Variants in OXNAD1 observed in about 807,000 individuals in gnomAD.
OXNAD1 encodes the protein oxidoreductase NAD binding domain containing 1.
A neutral mutation model predicts 32.9 loss-of-function variants in OXNAD1; 34 were observed. The observed-to-expected ratio is 1.03, with a 90% CI of 0.79 to 1.38. OXNAD1 has a LOEUF of 1.38. OXNAD1 is among the 40% of genes most tolerant of loss of function. OXNAD1 has a pLI of 0.00. For missense variants in OXNAD1, 407 were observed against 379.4 expected, an observed-to-expected ratio of 1.07 and a Z score of -0.60; for synonymous variants, 134 against 135.2, an observed-to-expected ratio of 0.99 and a Z score of 0.06.
chr3:16,285,801 G>A (rs2066034663), intron 4 of OXNAD1, among the ~76,000 whole-genome samples: 1 of 152,192 alleles, frequency 6.6e-6, no homozygotes, highest in South Asian at 2.1e-4. Context: ...AACCCATTTT[G>A]TTTTCTGTTA....
At position 16,321,404 on chromosome 3, in the gene OXNAD1, A is replaced by T. The variant is rs1205177119; in HGVS notation, c.*31-15708A>T. On this transcript the variant is annotated intron_variant, in intron 9 of 9. Transcript: ENST00000435829. This position sits in a 1 kb window ranked among gnomAD's most constrained non-coding sequence, Gnocchi z 4.8. ...AAAGAACCAAGAGAAAAGCTGCTTCAGGGAGTGGGGGTGGTCCCAACATCC... is the reference window on the plus strand; with the variant it reads ...AAAGAACCAAGAGAAAAGCTGCTTCTGGGAGTGGGGGTGGTCCCAACATCC... 1.3e-5 allele frequency among the ~76,000 whole-genome samples: 2 copies of T among 152,196 alleles called. No individual in the cohort carries two copies. The highest frequency in any genetic ancestry group is 2.9e-5 in the Non-Finnish European group (2 of 68,018).
chr3:16,290,072 A>T lies in OXNAD1; in HGVS notation c.290+3624A>T, dbSNP rs1170251453. On this transcript the variant is annotated intron_variant, in intron 5 of 8. Transcript: ENST00000285083. The surrounding 1 kb of genome is among the most constrained non-coding windows in gnomAD (Gnocchi z 4.2). ...AAAGAGTTCTGGGATCTCATAGTAT[A>T]GCTGCTGTGTGCTTGGCACTGGGGC... Among the ~76,000 whole-genome samples, 1 of 152,200 alleles carries T rather than the reference A, an allele frequency of 6.6e-6. No individual in the cohort carries two copies. Among genetic ancestry groups the T allele is most frequent in the Admixed American group, 6.5e-5 (1 of 15,282 alleles).
At chr3:16,310,624 A>C (rs559914050), downstream of OXNAD1, among the ~76,000 whole-genome samples, 63 of 152,280 alleles carry the variant, frequency 4.1e-4, no homozygotes, top group African/African-American at 1.4e-3. Context: ...CAGTCCCTAC[A>C]GTTGACAACC....
Position 16,297,143 on chromosome 3 carries a change from GAAAC to G in OXNAD1, c.432+2149_432+2152del, listed in dbSNP as rs1319602914. Among the ~76,000 whole-genome samples, 2 of 152,162 alleles carry G rather than the reference GAAAC, an allele frequency of 1.3e-5. No homozygotes were observed. Among genetic ancestry groups the G allele is most frequent in the Admixed American group, 6.5e-5 (1 of 15,286 alleles). ...AAGAAATCTCAAAAGTCAACAAAAAGAAACAAGCAACATGATTTTTTTAAATGGA... is the reference window on the plus strand; with the variant it reads ...AAGAAATCTCAAAAGTCAACAAAAAGAAGCAACATGATTTTTTTAAATGGA... On this transcript the variant is annotated intron_variant, in intron 6 of 8. Transcript: ENST00000285083. The surrounding 1 kb of genome is among the most constrained non-coding windows in gnomAD (Gnocchi z 4.3).
At position 16,334,819 on chromosome 3, in the gene OXNAD1, G is replaced by A. The variant is rs561020220; in HGVS notation, c.*31-2293G>A. Among the ~76,000 whole-genome samples, 6 of 152,330 alleles carry A rather than the reference G, an allele frequency of 3.9e-5. No homozygotes were observed. The East Asian group carries it at 1.2e-3, about 29-fold the overall frequency. ...GATATGATTAAGCTAAGGATCTTGA[G>A]ATGGAGAGTTTATCCAGGATTATCC... On this transcript the variant is annotated intron_variant, in intron 9 of 9. Coordinates refer to the OXNAD1 transcript ENST00000435829. The surrounding 1 kb of genome is among the most constrained non-coding windows in gnomAD (Gnocchi z 4.3).
Position 16,317,047 on chromosome 3 carries a change from C to G in OXNAD1, c.*30+13455C>G, listed in dbSNP as rs777059989. 1.2e-6 allele frequency: 2 copies of G among 1,613,954 alleles called. No homozygotes were observed. Among genetic ancestry groups the G allele is most frequent in the Admixed American group, 3.3e-5 (2 of 60,010 alleles). On this transcript the variant is annotated intron_variant, in intron 9 of 9. Transcript: ENST00000435829. This position sits in a 1 kb window ranked among gnomAD's most constrained non-coding sequence, Gnocchi z 4.3. ...CCTCTTGGACAGGGCCCTTCATCTC[C>G]TCGGAGACTCCACCCTCCTGCTGCT...
In OXNAD1 at chr3:16,287,682, T is replaced by A. The variant is rs2066163930; in HGVS notation, c.290+1234T>A. On this transcript the variant is annotated intron_variant, in intron 5 of 8. Coordinates refer to ENST00000285083, the MANE Select transcript of OXNAD1 (RefSeq NM_138381.5). This position sits in a 1 kb window ranked among gnomAD's most constrained non-coding sequence, Gnocchi z 4.8. ...CTGCCAAGACTCAGACCCAGCCTCC[T>A]GGTTAGGAAAAGCCTGTGCATTGGT... Among the ~76,000 whole-genome samples the A allele has an allele frequency of 6.6e-6, 1 of 152,226 alleles. No individual in the cohort carries two copies. The highest frequency in any genetic ancestry group is 1.5e-5 in the Non-Finnish European group (1 of 68,042).
intron 4 of OXNAD1, among the ~76,000 whole-genome samples, chr3:16,281,045 A>G (rs1035436486): frequency 7.9e-5 from 12 of 152,374 alleles, no homozygotes; most frequent in African/African-American, 2.2e-4. Context: ...TGTTTTGCCT[A>G]TCCAACAAAA....
downstream of OXNAD1, among the ~76,000 whole-genome samples, chr3:16,340,971 A>G (rs749201579): frequency 2.7e-4 from 41 of 152,252 alleles, no homozygotes; most frequent in Non-Finnish European, 6.0e-4. Flanking sequence ...AAGACAACAA[A>G]CAACCCAATT....
In OXNAD1 at chr3:16,298,906, C is replaced by T. The variant is rs1280999194; in HGVS notation, c.433-2720C>T. 6.6e-6 allele frequency among the ~76,000 whole-genome samples: 1 copy of T among 152,112 alleles called. No homozygotes were observed. The highest frequency in any genetic ancestry group is 1.5e-5 in the Non-Finnish European group (1 of 68,018). ...TGTACAGTACTTTGAGTCTTGTGTT[C>T]GTGTTACCCTCGCAGTTTTTATTGA... On this transcript the variant is annotated intron_variant, in intron 6 of 8. Coordinates refer to ENST00000285083, the MANE Select transcript of OXNAD1 (RefSeq NM_138381.5). This position sits in a 1 kb window ranked among gnomAD's most constrained non-coding sequence, Gnocchi z 5.1.
In OXNAD1 at chr3:16,302,775, A is replaced by G. The variant is rs368733591; in HGVS notation, c.784+27A>G. On this transcript the variant is annotated intron_variant, in intron 8 of 8. Coordinates refer to ENST00000285083, the MANE Select transcript of OXNAD1 (RefSeq NM_138381.5). This position sits in a 1 kb window ranked among gnomAD's most constrained non-coding sequence, Gnocchi z 4.2. ...TGAGTCCCCTAAAGATATTTTGACT[A>G]TCTCCATGCAGTTATTTGATGGACA... 1.3e-5 allele frequency: 20 copies of G among 1,527,104 alleles called. No homozygotes were observed. Among genetic ancestry groups the G allele is most frequent in the Non-Finnish European group, 1.5e-5 (17 of 1,105,120 alleles). The allele number at this position is 1,527,104 out of a possible 1,614,324, so 94.6% of individuals were successfully genotyped here. A position where few individuals can be genotyped will look rare whatever the true frequency, so the allele number is the denominator to read the frequency against.
At chr3:16,337,967 G>A (rs1288672288), downstream of OXNAD1, among the ~76,000 whole-genome samples, 1 of 152,116 alleles carries the variant, frequency 6.6e-6, no homozygotes, top group East Asian at 1.9e-4. This position sits in a 1 kb window ranked among gnomAD's most constrained non-coding sequence, Gnocchi z 5.0. Flanking sequence ...CCACCAGCTT[G>A]CCCTGGAAGA....
In OXNAD1 at chr3:16,320,453, C is replaced by G. The variant is rs2068920147; in HGVS notation, c.*31-16659C>G. ...GCTGATTACTCATTCATTGATTCGA[C>G]AAGTATCTGTTGAGCACCAACTAAA... On this transcript the variant is annotated intron_variant, in intron 9 of 9. Transcript: ENST00000435829. This position sits in a 1 kb window ranked among gnomAD's most constrained non-coding sequence, Gnocchi z 4.5. Among the ~76,000 whole-genome samples, 1 of 152,196 alleles carries G rather than the reference C, an allele frequency of 6.6e-6. No individual in the cohort carries two copies. The highest frequency in any genetic ancestry group is 2.4e-5 in the African/African-American group (1 of 41,452).
chr3:16,333,355 G>T (rs2070514621), intron 9 of OXNAD1, among the ~76,000 whole-genome samples: 1 of 152,162 alleles, frequency 6.6e-6, no homozygotes, highest in Admixed American at 6.5e-5. Flanking sequence ...TTGCTGTTCT[G>T]CACATGTTTG....
downstream of OXNAD1, among the ~76,000 whole-genome samples, chr3:16,307,075 CTGAAA>C (rs1345227844): frequency 6.6e-6 from 1 of 152,168 alleles, no homozygotes; most frequent in East Asian, 1.9e-4. Context: ...TTTGATTCCC[CTGAAA>C]TGAGTCTGTA....
Position 16,287,062 on chromosome 3 carries a change from C to T in OXNAD1, c.290+614C>T, listed in dbSNP as rs536945682. ...AATCATAAGTCTGTCCCATTTGACT[C>T]GGGACTGATCAGCATGCTGACTGGG... On this transcript the variant is annotated intron_variant, in intron 5 of 8. Coordinates refer to ENST00000285083, the MANE Select transcript of OXNAD1 (RefSeq NM_138381.5). The surrounding 1 kb of genome is among the most constrained non-coding windows in gnomAD (Gnocchi z 4.8). 5.3e-5 allele frequency among the ~76,000 whole-genome samples: 8 copies of T among 152,320 alleles called. No homozygotes were observed. Among genetic ancestry groups the T allele is most frequent in the African/African-American group, 1.4e-4 (6 of 41,572 alleles).
chr3:16,279,331 C>G (rs1197371770), intron 4 of OXNAD1, among the ~76,000 whole-genome samples: 1 of 152,134 alleles, frequency 6.6e-6, no homozygotes, highest in Non-Finnish European at 1.5e-5. Context: ...GTGTAACTAA[C>G]TCTTCTGTGA....
rs2067341849 is a variant in OXNAD1 at position 16,303,630 on chromosome 3, A to G, written c.*68A>G. 2 of 1,498,920 alleles carry G rather than the reference A, an allele frequency of 1.3e-6. No individual in the cohort carries two copies. Among genetic ancestry groups the G allele is most frequent in the Non-Finnish European group, 1.8e-6 (2 of 1,120,522 alleles). The allele number at this position is 1,498,920 out of a possible 1,614,324, so 92.9% of individuals were successfully genotyped here. A position where few individuals can be genotyped will look rare whatever the true frequency, so the allele number is the denominator to read the frequency against. On this transcript the variant is annotated 3_prime_UTR_variant, in exon 9 of 9. Transcript: ENST00000285083. This position sits in a 1 kb window ranked among gnomAD's most constrained non-coding sequence, Gnocchi z 4.8. ...CAGGAGAGCTCCTGTCCTTTGTGGC[A>G]TGATTAATTTTTTTTATCTCTACTT...
In OXNAD1 at chr3:16,301,449, C is replaced by T. The variant is rs2067175005; in HGVS notation, c.433-177C>T. 6.6e-6 allele frequency among the ~76,000 whole-genome samples: 1 copy of T among 152,062 alleles called. No homozygotes were observed. The highest frequency in any genetic ancestry group is 1.5e-5 in the Non-Finnish European group (1 of 68,026). Reference sequence around the variant, plus strand: ...ATTACGAAGGTGGATTAGCCTGTGGCCTATAAAATGAGCAAGTGGAATCAA... The same window carrying T: ...ATTACGAAGGTGGATTAGCCTGTGGTCTATAAAATGAGCAAGTGGAATCAA... On this transcript the variant is annotated intron_variant, in intron 6 of 8. Coordinates refer to ENST00000285083, the MANE Select transcript of OXNAD1 (RefSeq NM_138381.5). The surrounding 1 kb of genome is among the most constrained non-coding windows in gnomAD (Gnocchi z 4.1).
Sources: allele counts gnomAD v4.1 joint callset (sites outside exome capture counted in the v4.1 genomes callset), GRCh38; gene constraint gnomAD v4.1.1; non-coding constraint Gnocchi (gnomAD v3.1); transcripts MANE v1.5; gene names NCBI Gene and HGNC (gene_info 2026-07-23, HGNC 2026-07-21).